PCM1: variants seen among roughly 807,000 people sequenced by gnomAD.
PCM1 encodes pericentriolar material 1.
Under a neutral mutation model 241.9 loss-of-function variants are expected in PCM1, and 157 were observed. The observed-to-expected ratio is 0.65, with a 90% confidence interval of 0.57 to 0.74. PCM1 has a LOEUF of 0.74. Ranked by LOEUF, PCM1 falls within the 30% of genes least tolerant of loss-of-function variation. PCM1 has a pLI of 0.00. For synonymous variants in PCM1, 1,085 were observed against 784.9 expected (o/e 1.38, Z -6.39); for missense variants, 3,478 against 2,360.1 (o/e 1.47, Z -9.81).
intron 2 of PCM1, among the ~76,000 whole-genome samples, chr8:17,934,114 T>TA (rs1182661386): frequency 3.9e-5 from 6 of 152,170 alleles, no homozygotes; most frequent in South Asian, 4.1e-4. Context: ...TTCTAATAGA[T>TA]ATTCTAGCAT....
In PCM1 at chr8:18,011,353, T is replaced by C; in HGVS notation, c.5337T>C (p.Cys1779=). 1 of 1,596,700 alleles carries C rather than the reference T, an allele frequency of 6.3e-7. No individual in the cohort carries two copies. Among genetic ancestry groups the C allele is most frequent in the Non-Finnish European group, 8.5e-7 (1 of 1,173,804 alleles). Residue 1779 remains cysteine (C), a synonymous_variant, in exon 33 of 39, where the codon TGT becomes TGC. Coordinates refer to ENST00000325083, the MANE Select transcript of PCM1 (RefSeq NM_006197.4). The stretch of plus-strand genomic sequence containing the variant: ...AGGAAGATGAAGAAAGTGAAGGATG[T>C]CCAGTGTCTATTAGTAAGTTTAAAG... ...DQEEDEESEG[C]PVSINLSKAE...
intron 18 of PCM1, among the ~76,000 whole-genome samples, chr8:17,965,645 G>T (rs1171258793): frequency 6.6e-6 from 1 of 152,208 alleles, no homozygotes; most frequent in South Asian, 2.1e-4. Context: ...ATAACAGATG[G>T]TGAAGTAGAT....
chr8:17,958,494 C>A (rs1202349327), intron 13 of PCM1, among the ~76,000 whole-genome samples: 1 of 151,682 alleles, frequency 6.6e-6, no homozygotes, highest in African/African-American at 2.4e-5. Flanking sequence ...CAAAATATGC[C>A]TACACTTATA....
chr8:18,003,580 A>G (rs541293871), intron 29 of PCM1, among the ~76,000 whole-genome samples: 8 of 152,216 alleles, frequency 5.3e-5, no homozygotes, highest in Non-Finnish European at 1.2e-4. Flanking sequence ...TCATGCCTTC[A>G]TTATAGCACT....
chr8:17,954,976 TC>T (rs1477035344), intron 9 of PCM1, among the ~76,000 whole-genome samples: 1 of 152,062 alleles, frequency 6.6e-6, no homozygotes, highest in East Asian at 1.9e-4. Flanking sequence ...AGATGTGACA[TC>T]CCCCTGATCT....
At chr8:18,002,720 A>C (rs1309439491) in intron 29 of PCM1, among the ~76,000 whole-genome samples, 1 of 113,716 alleles carries the variant, frequency 8.8e-6, no homozygotes, top group Non-Finnish European at 1.7e-5. Flanking sequence ...ATTTCTCCGC[A>C]TCCTCTCCAG....
rs1440204503 is a variant in PCM1 at position 17,955,459 on chromosome 8, G to T, written c.1289-11G>T. 2 of 1,553,334 alleles carry T rather than the reference G, an allele frequency of 1.3e-6. No individual in the cohort carries two copies. Among genetic ancestry groups the T allele is most frequent in the East Asian group, 2.3e-5 (1 of 43,788 alleles). ...ATTAAAAAAAATTTTTTGTTGTTGT[G>T]CCTTCTTCAGCCTCTCCACAAAGGA... On this transcript the variant is annotated splice_polypyrimidine_tract_variant and intron_variant, in intron 9 of 38. Transcript: ENST00000325083.
chr8:18,000,509 T>C (rs1204687250), intron 29 of PCM1, among the ~76,000 whole-genome samples: 1 of 151,852 alleles, frequency 6.6e-6, no homozygotes, highest in Non-Finnish European at 1.5e-5. Context: ...AATCAGTAGG[T>C]CCTACTAATG....
intron 3 of PCM1, 81 bp downstream of exon 3, chr8:17,935,787 C>T: frequency 2.8e-6 from 2 of 719,318 alleles, no homozygotes; most frequent in South Asian, 3.1e-5. Flanking sequence ...ATTTAACTCA[C>T]TGATGCTCTT....
At chr8:17,945,330 G>C (rs1586288184) in intron 6 of PCM1, among the ~76,000 whole-genome samples, 1 of 152,132 alleles carries the variant, frequency 6.6e-6, no homozygotes, top group African/African-American at 2.4e-5. Flanking sequence ...TACTTAATTT[G>C]TTAAAAGTTT....
intron 3 of PCM1, 116 bp from the exon 4 acceptor site, chr8:17,937,018 G>GT: frequency 1.3e-6 from 1 of 768,922 alleles, no homozygotes; most frequent in Non-Finnish European, 2.0e-6. Flanking sequence ...GTATAAGTCT[G>GT]TCAAAAATGT....
At chr8:17,955,256 T>C (rs1024282913) in intron 9 of PCM1, among the ~76,000 whole-genome samples, 10 of 152,328 alleles carry the variant, frequency 6.6e-5, no homozygotes, top group African/African-American at 2.4e-4. Flanking sequence ...GTAAAGGTGA[T>C]AGAACCTGTG....
chr8:17,969,782 C>G (rs1160997814), intron 22 of PCM1, 34 bp downstream of exon 22: 2 of 1,478,634 alleles, frequency 1.4e-6, no homozygotes, highest in Middle Eastern at 1.7e-4. Context: ...ATTGCTTAAA[C>G]ATTCACTTTT....
At chr8:17,986,135 G>C in intron 26 of PCM1, 48 bp downstream of exon 26, 1 of 1,247,916 alleles carries the variant, frequency 8.0e-7, no homozygotes. Context: ...TTAGTATGCA[G>C]TAAATAAAAG....
Position 17,955,591 on chromosome 8 carries a change from T to C in PCM1, c.1410T>C (p.Ala470=). 6.2e-7 allele frequency: 1 copy of C among 1,613,802 alleles called. No homozygotes were observed. The highest frequency in any genetic ancestry group is 2.2e-5 in the East Asian group (1 of 44,876). The part of the protein sequence containing the change: ...SLTSSVPYPT[A]SLVSQNESEN... ...CATCATCTGTTCCTTATCCTACTGC[T>C]TCTCTAGTATCTCAGAATGAGAGTG... Residue 470 remains alanine, a synonymous_variant, in exon 10 of 39, where the codon GCT becomes GCC. Coordinates refer to ENST00000325083, the MANE Select transcript of PCM1 (RefSeq NM_006197.4).
intron 38 of PCM1, 84 bp downstream of exon 38, chr8:18,025,742 C>A (rs1753664507): frequency 2.6e-6 from 2 of 765,580 alleles, no homozygotes; most frequent in Non-Finnish European, 2.1e-6. Flanking sequence ...TTTAAATATG[C>A]TACTACTGAC....
chr8:18,027,038 A>G (rs2094281987), intron 38 of PCM1, among the ~76,000 whole-genome samples: 1 of 152,164 alleles, frequency 6.6e-6, no homozygotes. Context: ...TGTTTCTTGC[A>G]TCAGGATCAA....
At chr8:17,963,379 T>A in intron 17 of PCM1, 88 bp downstream of exon 17, 1 of 888,224 alleles carries the variant, frequency 1.1e-6, no homozygotes, top group African/African-American at 1.7e-5. Flanking sequence ...CTCCTCTACA[T>A]CACAGCACAA....
Position 17,968,762 on chromosome 8 carries a change from G to GTGTATA in PCM1, c.3413-814_3413-813insGTATAT, listed in dbSNP as rs373502456. Among the ~76,000 whole-genome samples, 672 of 136,754 alleles carry GTGTATA rather than the reference G, an allele frequency of 4.9e-3. 3 individuals are homozygous for GTGTATA. Among genetic ancestry groups the GTGTATA allele is most frequent in the Non-Finnish European group, 7.7e-3 (488 of 63,760 alleles). 89.7% of individuals were successfully genotyped at this position (136,754 alleles called of 152,430 possible). ...TGTGTGTGTGTGTGTGTGTGTGTGT[G>GTGTATA]TATATATATATATATACACACCACA... On this transcript the variant is annotated intron_variant, in intron 21 of 38. Transcript: ENST00000325083.
Sources: allele counts gnomAD v4.1 joint callset (sites outside exome capture counted in the v4.1 genomes callset), GRCh38; gene constraint gnomAD v4.1.1; transcripts MANE v1.5; gene names NCBI Gene and HGNC (gene_info 2026-07-23, HGNC 2026-07-21).